The following COL11A2 variants were observed in gnomAD, a reference collection of about 807,000 sequenced individuals.
COL11A2 encodes the protein collagen type XI alpha 2 chain.
COL11A2 carries 116 observed loss-of-function variants against 273.4 expected under a neutral mutation model. The ratio of observed to expected loss-of-function variants is 0.42; its 90% CI spans 0.36 to 0.49. The LOEUF (loss-of-function observed/expected upper bound fraction) is 0.49. Ranked by LOEUF, COL11A2 falls within the 20% of genes least tolerant of loss-of-function variation. COL11A2 has a pLI of 0.00. For missense variants in COL11A2, 1,866 were observed against 2,309.0 expected (o/e 0.81, Z 3.93); for synonymous variants, 782 against 864.2 (o/e 0.90, Z 1.67).
At chr6:33,172,749 C>T in intron 38 of COL11A2, 112 bp from the exon 39 acceptor site, 3 of 963,706 alleles carry the variant, frequency 3.1e-6, no homozygotes, top group Non-Finnish European at 4.8e-6. Flanking sequence ...TTATCCCTGC[C>T]CCAAAGCTCC....
rs147927477 is a variant in COL11A2, at chr6:33,173,901, C to T, written c.2555G>A (p.Arg852Gln). 719 of 1,613,916 alleles carry T rather than the reference C, an allele frequency of 4.5e-4. 1 individual carries two copies. Among genetic ancestry groups the T allele is most frequent in the Non-Finnish European group, 5.9e-4 (694 of 1,179,978 alleles). ...AGCTCCAGACTTCCCAGTGGCACCT[C>T]GGGGTCCCCGCTGACCCCGTGGACC... Reference protein sequence around the residue: ...PTGPRGQRGPRGATGKSGAKG... With the variant: ...PTGPRGQRGPQGATGKSGAKG... The change falls in exon 34 of 66, where the codon CGA (arginine) becomes CAA (glutamine). Residue 852 changes from arginine (R) to glutamine (Q), a missense_variant. By Grantham distance (43) the Arg-to-Gln change is conservative. Transcript: ENST00000341947. The surrounding 1 kb of genome is among the most constrained non-coding windows in gnomAD (Gnocchi z 6.3).
chr6:33,170,269 A>G lies in COL11A2; in HGVS notation c.3582+57T>C, dbSNP rs1769838022. ...GATACTAGAGTTTATGGTCTGGGAA[A>G]GGGAGGCAGAAGACCAGACACATTG... On this transcript the variant is annotated intron_variant, in intron 48 of 65. Coordinates refer to ENST00000341947, the MANE Select transcript of COL11A2 (RefSeq NM_080680.3). The surrounding 1 kb of genome is among the most constrained non-coding windows in gnomAD (Gnocchi z 4.3). The G allele has an allele frequency of 2.5e-6, 4 of 1,594,978 alleles. No individual in the cohort carries two copies. In the South Asian group the frequency reaches 3.3e-5, roughly 13 times the overall value.
At chr6:33,192,083 A>G (rs1246330852) in intron 1 of COL11A2, 76 bp downstream of exon 1, 23 of 1,380,682 alleles carry the variant, frequency 1.7e-5, no homozygotes, top group Non-Finnish European at 2.1e-5. Flanking sequence ...TGCCCCAGGC[A>G]TCAGCTGGCC....
At position 33,163,051 on chromosome 6, in the gene COL11A2, G is replaced by T; in HGVS notation, c.*627C>A. The T allele has an allele frequency of 6.3e-6, 1 of 158,470 alleles. No individual in the cohort carries two copies. The allele number at this position is 158,470 out of a possible 1,614,324, so 9.8% of individuals were successfully genotyped here. The stretch of plus-strand genomic sequence containing the variant: ...AGACAGTGGGCACATGGGCCAGGCA[G>T]CCAACACCTGTGGGTTAGAGAGCCC... On this transcript the variant is annotated 3_prime_UTR_variant, in exon 66 of 66. Transcript: ENST00000341947. The surrounding 1 kb of genome is among the most constrained non-coding windows in gnomAD (Gnocchi z 4.1).
In COL11A2 at chr6:33,179,464, GC is replaced by G; in HGVS notation, c.1469del (p.Gly490AlafsTer20). ...QARLALRGPP[G>X]PMGYTGRPGP... is the part of the protein sequence containing the mutation. Reference sequence around the variant, plus strand: ...CAGGGCGCCCTGTGTATCCCATGGGGCCAGGGGGTCCACGGAGCGCCAGCTA... The same window carrying G: ...CAGGGCGCCCTGTGTATCCCATGGGGCAGGGGGTCCACGGAGCGCCAGCTA... On this transcript the variant is annotated frameshift_variant, in exon 14 of 66. Coordinates refer to ENST00000341947, the MANE Select transcript of COL11A2 (RefSeq NM_080680.3). LOFTEE classifies it high-confidence loss of function. The surrounding 1 kb of genome is among the most constrained non-coding windows in gnomAD (Gnocchi z 6.4). 1 of 1,567,768 alleles carries G rather than the reference GC, an allele frequency of 6.4e-7. No homozygotes were observed. The highest frequency in any genetic ancestry group is 8.6e-7 in the Non-Finnish European group (1 of 1,156,370).
intron 5 of COL11A2, among the ~76,000 whole-genome samples, 183 bp from the exon 6 acceptor site, chr6:33,185,961 G>A (rs1772369170): frequency 2.0e-5 from 3 of 151,678 alleles, no homozygotes; most frequent in African/African-American, 7.3e-5. Flanking sequence ...GGTGGGGAGA[G>A]GTGGAACAGA....
intron 5 of COL11A2, 32 bp from the exon 6 acceptor site, chr6:33,185,810 G>A (rs373568249): frequency 1.2e-6 from 1 of 820,754 alleles, no homozygotes. Context: ...AGACAGGAAG[G>A]GGATGGGGTA....
chr6:33,166,456 T>C lies in COL11A2; in HGVS notation c.4392+57A>G. ...TTCCATGGAAGTCGTTGGGAGGCTG[T>C]GGGTGGGCAGCAGAGGGGTTTAGGG... is the stretch of plus-strand genomic sequence containing the variant. On this transcript the variant is annotated intron_variant, in intron 60 of 65. Coordinates refer to ENST00000341947, the MANE Select transcript of COL11A2 (RefSeq NM_080680.3). This position sits in a 1 kb window ranked among gnomAD's most constrained non-coding sequence, Gnocchi z 4.8. 13 of 1,576,680 alleles carry C rather than the reference T, an allele frequency of 8.2e-6. No individual in the cohort carries two copies. The highest frequency in any genetic ancestry group is 1.1e-5 in the Non-Finnish European group (13 of 1,153,598).
chr6:33,184,257 C>T lies in COL11A2; in HGVS notation c.1007G>A (p.Gly336Asp), dbSNP rs1398299612. The T allele has an allele frequency of 7.3e-7, 1 of 1,367,622 alleles. No homozygotes were observed. Among genetic ancestry groups the T allele is most frequent in the South Asian group, 1.1e-5 (1 of 88,040 alleles). 84.7% of individuals were successfully genotyped at this position (1,367,622 alleles called of 1,614,324 possible). ...RFQAEEYGEG[G>D]TDPPEGPYDY... ...GTAGGGCCCTTCAGGGGGGTCTGTG[C>T]CACCCTCCCCATATTCCTCTGCCTG... The change falls in exon 8 of 66, where the codon GGC becomes GAC. Residue 336 changes from glycine to aspartate, a missense_variant. Physicochemically the swap from Gly to Asp is moderately conservative, Grantham distance 94. Coordinates refer to ENST00000341947, the MANE Select transcript of COL11A2 (RefSeq NM_080680.3).
rs201671121 is a variant in COL11A2 at position 33,179,091 on chromosome 6, A to C, written c.1593T>G (p.Pro531=). The change falls in exon 16 of 66, where the codon CCT becomes CCG. Residue 531 remains proline (P), a synonymous_variant. Coordinates refer to ENST00000341947, the MANE Select transcript of COL11A2 (RefSeq NM_080680.3). This position sits in a 1 kb window ranked among gnomAD's most constrained non-coding sequence, Gnocchi z 6.4. Reference sequence around the variant, plus strand: ...CACTCACCCTTCGCCCAGCCTTGCCAGGAGGGCCTGTGAGGCCCTGAGGTC... The same window carrying C: ...CACTCACCCTTCGCCCAGCCTTGCCCGGAGGGCCTGTGAGGCCCTGAGGTC... ...PRGPQGLTGP[P]GKAGRRGRAG... The C allele has an allele frequency of 2.4e-5, 38 of 1,613,702 alleles. No individual in the cohort carries two copies. Among genetic ancestry groups the C allele is most frequent in the Non-Finnish European group, 8.5e-7 (1 of 1,179,802 alleles).
intron 30 of COL11A2, 79 bp from the exon 31 acceptor site, chr6:33,174,659 T>G (rs1770651566): frequency 7.2e-6 from 10 of 1,391,708 alleles, no homozygotes; most frequent in Non-Finnish European, 1.0e-5. Flanking sequence ...AACCCTCACA[T>G]ATAACAGCCA....
chr6:33,177,502 T>C lies in COL11A2; in HGVS notation c.1918-37A>G, dbSNP rs1263825445. 6.2e-7 allele frequency: 1 copy of C among 1,609,448 alleles called. No homozygotes were observed. Among genetic ancestry groups the C allele is most frequent in the Non-Finnish European group, 8.5e-7 (1 of 1,177,418 alleles). On this transcript the variant is annotated intron_variant, in intron 22 of 65. Transcript: ENST00000341947. The surrounding 1 kb of genome is among the most constrained non-coding windows in gnomAD (Gnocchi z 5.9). ...TGACCAGGCACAGGTCAGAAGGAGA[T>C]GGAGATAGAACACATTTAGAGCATG...
intron 12 of COL11A2, 137 bp downstream of exon 12, chr6:33,180,121 G>A (rs530010343): frequency 1.7e-5 from 17 of 977,102 alleles, no homozygotes; most frequent in Admixed American, 5.4e-5. Flanking sequence ...CCCCAAAGAC[G>A]AATCCCTTTG....
chr6:33,167,948 C>CGTGTGTGTGTGCATGTGT lies in COL11A2; in HGVS notation c.3961-97_3961-96insACACATGCACACACACAC. On this transcript the variant is annotated intron_variant, in intron 54 of 65. Coordinates refer to ENST00000341947, the MANE Select transcript of COL11A2 (RefSeq NM_080680.3). This position sits in a 1 kb window ranked among gnomAD's most constrained non-coding sequence, Gnocchi z 6.1. The stretch of plus-strand genomic sequence containing the variant: ...TCCTAGACACACACATACACATGCA[C>CGTGTGTGTGTGCATGTGT]ACACACACGTGCATACACAGGGACA... 4 of 1,334,406 alleles carry CGTGTGTGTGTGCATGTGT rather than the reference C, an allele frequency of 3.0e-6. No homozygotes were observed. Among genetic ancestry groups the CGTGTGTGTGTGCATGTGT allele is most frequent in the Non-Finnish European group, 4.3e-6 (4 of 938,728 alleles). The allele number at this position is 1,334,406 out of a possible 1,614,324, so 82.7% of individuals were successfully genotyped here.
In COL11A2 at chr6:33,188,362, C is replaced by T; in HGVS notation, c.606G>A (p.Glu202=). The part of the protein sequence containing the change: ...GARILDEEVF[E]GDVQELAIVP... ...TCCTGCCTCTGATTGCTCTGGTTAC[C>T]TCAAAGACTTCTTCATCCAGAATAC... The change falls in exon 4 of 66, where the codon GAG becomes GAA. Residue 202 remains glutamate, a splice_region_variant and synonymous_variant. Coordinates refer to ENST00000341947, the MANE Select transcript of COL11A2 (RefSeq NM_080680.3). The T allele has an allele frequency of 1.2e-6, 2 of 1,613,000 alleles. No homozygotes were observed. The highest frequency in any genetic ancestry group is 1.7e-6 in the Non-Finnish European group (2 of 1,180,026).
At chr6:33,186,268 TC>T (rs1772408846) in intron 5 of COL11A2, among the ~76,000 whole-genome samples, 1 of 151,822 alleles carries the variant, frequency 6.6e-6, no homozygotes, top group East Asian at 1.9e-4. Flanking sequence ...GGTCTCACCA[TC>T]CCGACTGCTT....
chr6:33,182,959 C>T (rs1189268371), intron 8 of COL11A2, among the ~76,000 whole-genome samples: 1 of 152,118 alleles, frequency 6.6e-6, no homozygotes, highest in African/African-American at 2.4e-5. Flanking sequence ...AGCAATGATC[C>T]GTTTCAAAAT....
chr6:33,176,091 G>A lies in COL11A2; in HGVS notation c.2215-22C>T. 6.2e-7 allele frequency: 1 copy of A among 1,613,008 alleles called. No individual in the cohort carries two copies. The highest frequency in any genetic ancestry group is 1.1e-5 in the South Asian group (1 of 91,072). On this transcript the variant is annotated intron_variant, in intron 28 of 65. Transcript: ENST00000341947. The surrounding 1 kb of genome is among the most constrained non-coding windows in gnomAD (Gnocchi z 4.9). The stretch of plus-strand genomic sequence containing the variant: ...CACCCTGAGAAAGATAGAGGTGAGA[G>A]GGCACCACAGATGACAGAGGGCTGG...
Position 33,164,291 on chromosome 6 carries a change from G to C in COL11A2, c.5046C>G (p.Val1682=), listed in dbSNP as rs768217705. Residue 1682 remains valine, a synonymous_variant, in exon 65 of 66, where the codon GTC becomes GTG. Transcript: ENST00000341947. This position sits in a 1 kb window ranked among gnomAD's most constrained non-coding sequence, Gnocchi z 4.7. ...CCTGGCAGCCATCTCTGAATTCTTT[G>C]ACATAGGGGCTAGTCTCCGGGCTCA... ...DELSPETSPY[V]KEFRDGCQTQ... is the part of the protein sequence containing the mutation. The C allele has an allele frequency of 6.2e-7, 1 of 1,612,922 alleles. No individual in the cohort carries two copies. The highest frequency in any genetic ancestry group is 8.5e-7 in the Non-Finnish European group (1 of 1,180,008).
Sources: allele counts gnomAD v4.1 joint callset (sites outside exome capture counted in the v4.1 genomes callset), GRCh38; gene constraint gnomAD v4.1.1; non-coding constraint Gnocchi (gnomAD v3.1); transcripts MANE v1.5; gene names NCBI Gene and HGNC (gene_info 2026-07-23, HGNC 2026-07-21).